Variants in PRICKLE2 observed in about 807,000 individuals in gnomAD.
PRICKLE2 encodes prickle planar cell polarity protein 2, also known as prickle-like protein 2.
PRICKLE2 carries 21 observed loss-of-function variants against 81.4 expected under a neutral mutation model. The observed-to-expected ratio is 0.26, with a 90% CI of 0.18 to 0.37. The LOEUF is 0.37. Ranked by LOEUF, PRICKLE2 falls within the 10% of genes least tolerant of loss-of-function variation. PRICKLE2 has a pLI of 1.00. For missense variants in PRICKLE2, 940 were observed against 1,109.0 expected (o/e 0.85, Z 2.16); for synonymous variants, 456 against 421.5 (o/e 1.08, Z -1.00).
intron 3 of PRICKLE2, among the ~76,000 whole-genome samples, chr3:64,161,842 C>T (rs188496215): frequency 1.9e-4 from 29 of 152,196 alleles, no homozygotes; most frequent in African/African-American, 6.7e-4. Flanking sequence ...AAGGCACACC[C>T]TTCCTGCTTG....
intron 2 of PRICKLE2, among the ~76,000 whole-genome samples, chr3:64,261,686 A>G (rs1400453243): frequency 6.6e-6 from 1 of 152,130 alleles, no homozygotes; most frequent in African/African-American, 2.4e-5. Context: ...AACAGCAAGC[A>G]CAAAGGCCCA....
chr3:64,174,952 T>A, intron 2 of PRICKLE2: 1 of 192,376 alleles, frequency 5.2e-6, no homozygotes, highest in Non-Finnish European at 1.1e-5. Context: ...ATTGACCCCA[T>A]GAATTTATCA....
chr3:64,260,254 C>T (rs1376474660), intron 2 of PRICKLE2, among the ~76,000 whole-genome samples: 3 of 152,124 alleles, frequency 2.0e-5, no homozygotes, highest in Non-Finnish European at 4.4e-5. Context: ...AACGCACTAA[C>T]GGGACCCAAG....
At chr3:64,200,430 T>C (rs1394796250) in intron 1 of PRICKLE2, 2 of 152,212 alleles carry the variant, frequency 1.3e-5, no homozygotes, top group Non-Finnish European at 2.9e-5. Flanking sequence ...ATTACTTATG[T>C]ATAATTTTTT....
At chr3:64,110,415 C>G (rs1052063160) in intron 7 of PRICKLE2, among the ~76,000 whole-genome samples, 1 of 152,134 alleles carries the variant, frequency 6.6e-6, no homozygotes, top group African/African-American at 2.4e-5. Context: ...ACTGGGAGCA[C>G]AACTGTGAAC....
intron 2 of PRICKLE2, among the ~76,000 whole-genome samples, chr3:64,198,027 T>G (rs2078490805): frequency 6.6e-6 from 1 of 151,800 alleles, no homozygotes; most frequent in Admixed American, 6.6e-5. Flanking sequence ...CTGGCTATCA[T>G]GGTGAAACCC....
intron 2 of PRICKLE2, among the ~76,000 whole-genome samples, chr3:64,198,178 C>T (rs1269771614): frequency 2.0e-5 from 3 of 151,488 alleles, no homozygotes; most frequent in African/African-American, 7.3e-5. Context: ...CGCCACTGCA[C>T]TCCAGCCTGG....
At chr3:64,264,202 T>G (rs555712045) in intron 2 of PRICKLE2, among the ~76,000 whole-genome samples, 10 of 152,228 alleles carry the variant, frequency 6.6e-5, no homozygotes, top group African/African-American at 2.4e-4. Flanking sequence ...GCCTTGTGTC[T>G]CAGGGGAGTT....
At chr3:64,111,467 G>C (rs925273651) in intron 7 of PRICKLE2, among the ~76,000 whole-genome samples, 4 of 152,168 alleles carry the variant, frequency 2.6e-5, no homozygotes, top group South Asian at 2.1e-4. Context: ...AAAGGAATGT[G>C]GCCAGAGTGC....
chr3:64,207,744 C>A (rs1010070252), intron 1 of PRICKLE2, among the ~76,000 whole-genome samples: 1 of 152,088 alleles, frequency 6.6e-6, no homozygotes, highest in Non-Finnish European at 1.5e-5. Flanking sequence ...AAAAATCTGA[C>A]AACCAGATTT....
rs26937 is a variant in PRICKLE2 at position 64,098,356 on chromosome 3, T to G, written c.*695A>C. Reference sequence around the variant, plus strand: ...CAGACTTAAGGATGGCTCCTTAAGATGGAACGGAGCATAAAATGCTTTGGG... The same window carrying G: ...CAGACTTAAGGATGGCTCCTTAAGAGGGAACGGAGCATAAAATGCTTTGGG... On this transcript the variant is annotated 3_prime_UTR_variant, in exon 8 of 8. Coordinates refer to ENST00000638394, the MANE Select transcript of PRICKLE2 (RefSeq NM_198859.4). 80,460 of 152,086 alleles carry G rather than the reference T, an allele frequency of 0.53. 22,217 individuals carry two copies. Among genetic ancestry groups the G allele is most frequent in the East Asian group, 0.81 (4,176 of 5,156 alleles). The allele number at this position is 152,086 out of a possible 1,614,324, so 9.4% of individuals were successfully genotyped here. A position where few individuals can be genotyped will look rare whatever the true frequency, so the allele number is the denominator to read the frequency against.
At chr3:64,182,735 A>AAACAGACTAAGACAAGTGGCT (rs2078157299) in intron 2 of PRICKLE2, 1 of 152,166 alleles carries the variant, frequency 6.6e-6, no homozygotes, top group Non-Finnish European at 1.5e-5. Context: ...TAGCAGCACA[A>AAACAGACTAAGACAAGTGGCT]AACAGACTAA....
rs549134211 is a variant in PRICKLE2 at position 64,188,608 on chromosome 3, T to C, written c.144+10176A>G. Among the ~76,000 whole-genome samples, 226 of 152,330 alleles carry C rather than the reference T, an allele frequency of 1.5e-3. 1 individual carries two copies. Among genetic ancestry groups the C allele is most frequent in the Middle Eastern group, 3.4e-3 (1 of 294 alleles). On this transcript the variant is annotated intron_variant, in intron 2 of 7. Coordinates refer to ENST00000638394, the MANE Select transcript of PRICKLE2 (RefSeq NM_198859.4). ...TCTGGGTAATCAAGCCATCATTCCATGTAAAGTCCCAGCTCAAATGTCACT... is the reference window on the plus strand; with the variant it reads ...TCTGGGTAATCAAGCCATCATTCCACGTAAAGTCCCAGCTCAAATGTCACT...
At chr3:64,131,458 C>G (rs1034019018) in intron 7 of PRICKLE2, among the ~76,000 whole-genome samples, 1 of 152,198 alleles carries the variant, frequency 6.6e-6, no homozygotes, top group Non-Finnish European at 1.5e-5. Flanking sequence ...TACTGGCTAA[C>G]TGGTGCAAGA....
chr3:64,140,107 G>C (rs2077337699), intron 7 of PRICKLE2, among the ~76,000 whole-genome samples: 1 of 152,190 alleles, frequency 6.6e-6, no homozygotes, highest in African/African-American at 2.4e-5. Flanking sequence ...GAGGGTGTTA[G>C]ACACTGTTCT....
chr3:64,239,800 T>G (rs368241103), intron 2 of PRICKLE2, among the ~76,000 whole-genome samples: 1 of 152,004 alleles, frequency 6.6e-6, no homozygotes, highest in Non-Finnish European at 1.5e-5. Context: ...CCTTTTTCTT[T>G]TATTTATTAC....
intron 2 of PRICKLE2, among the ~76,000 whole-genome samples, chr3:64,245,270 G>A (rs1195043862): frequency 7.9e-6 from 1 of 126,690 alleles, no homozygotes; most frequent in East Asian, 2.1e-4. Context: ...GTTTAGATGG[G>A]TCAGATAAGG....
At chr3:64,110,934 C>T (rs1287566069) in intron 7 of PRICKLE2, among the ~76,000 whole-genome samples, 1 of 131,612 alleles carries the variant, frequency 7.6e-6, no homozygotes, top group East Asian at 2.2e-4. Context: ...TGCACTCCAG[C>T]CTGGGAGACA....
At position 64,099,966 on chromosome 3, in the gene PRICKLE2, G is replaced by T. The variant is rs775032009; in HGVS notation, c.1661-41C>A. On this transcript the variant is annotated intron_variant, in intron 7 of 7. Coordinates refer to ENST00000638394, the MANE Select transcript of PRICKLE2 (RefSeq NM_198859.4). The surrounding 1 kb of genome is among the most constrained non-coding windows in gnomAD (Gnocchi z 4.3). ...GGGGACCACAGAGATTAATACAGATGTGCAGCAATGGGTATCACTGTCACT... is the reference window on the plus strand; with the variant it reads ...GGGGACCACAGAGATTAATACAGATTTGCAGCAATGGGTATCACTGTCACT... 6 of 1,598,906 alleles carry T rather than the reference G, an allele frequency of 3.8e-6. No individual in the cohort carries two copies. The highest frequency in any genetic ancestry group is 5.1e-6 in the Non-Finnish European group (6 of 1,167,396).
Sources: allele counts gnomAD v4.1 joint callset (sites outside exome capture counted in the v4.1 genomes callset), GRCh38; gene constraint gnomAD v4.1.1; non-coding constraint Gnocchi (gnomAD v3.1); transcripts MANE v1.5; gene names NCBI Gene and HGNC (gene_info 2026-07-23, HGNC 2026-07-21).